Variants in LRIG1 observed in about 807,000 individuals in gnomAD.
LRIG1 encodes the protein leucine-rich repeats and immunoglobulin-like domains protein 1.
Under a neutral mutation model 99.2 loss-of-function variants are expected in LRIG1, and 48 were observed. That is an observed-to-expected ratio of 0.48 (90% CI 0.38 to 0.62). The LOEUF is 0.62. Ranked by LOEUF, LRIG1 falls within the 20% of genes least tolerant of loss-of-function variation. LRIG1 has a pLI of 0.00. For synonymous variants in LRIG1, 772 were observed against 596.1 expected (o/e 1.29, Z -4.30); for missense variants, 1,646 against 1,434.4 (o/e 1.15, Z -2.38).
intron 3 of LRIG1, 78 bp from the exon 4 acceptor site, chr3:66,417,344 AC>A (rs1242521811): frequency 1.6e-5 from 23 of 1,407,674 alleles, no homozygotes; most frequent in Admixed American, 1.8e-5. Context: ...CCTGCACCCC[AC>A]CCCCCACCAA....
chr3:66,386,494 G>A lies in LRIG1; in HGVS notation c.1469-193C>T, dbSNP rs1701383356. 24 of 592,010 alleles carry A rather than the reference G, an allele frequency of 4.1e-5. No homozygotes were observed. In the East Asian group the frequency reaches 6.2e-4, roughly 15 times the overall value. 36.7% of individuals were successfully genotyped at this position (592,010 alleles called of 1,614,324 possible). ...GACATCTGACCTCATCTAATTAGAA[G>A]TCTGTGAGTACTGATCACCTTTATG... On this transcript the variant is annotated intron_variant, in intron 12 of 18. Coordinates refer to ENST00000273261, the MANE Select transcript of LRIG1 (RefSeq NM_015541.3).
intron 11 of LRIG1, among the ~76,000 whole-genome samples, chr3:66,395,527 T>C (rs1042205867): frequency 5.3e-5 from 8 of 152,224 alleles, no homozygotes; most frequent in African/African-American, 1.4e-4. Flanking sequence ...GGAAAGTGCT[T>C]TTCCAAAAAC....
chr3:66,459,014 CAA>C (rs11437217), intron 2 of LRIG1, among the ~76,000 whole-genome samples: 4 of 121,900 alleles, frequency 3.3e-5, no homozygotes. Context: ...AACTCCATCT[CAA>C]AAAAAAAAAA....
At position 66,482,342 on chromosome 3, in the gene LRIG1, A is replaced by G. The variant is rs75983524; in HGVS notation, c.218+17848T>C. Among the ~76,000 whole-genome samples the G allele has an allele frequency of 3.3e-4, 51 of 152,374 alleles. No homozygotes were observed. In the East Asian group the frequency reaches 9.4e-3, roughly 28 times the overall value. On this transcript the variant is annotated intron_variant, in intron 1 of 18. Coordinates refer to ENST00000273261, the MANE Select transcript of LRIG1 (RefSeq NM_015541.3). ...TGTACTGTGCTCAAGCCCAAAGACC[A>G]CAGTGGAGGACAGCAGATGATGTAC... is the stretch of plus-strand genomic sequence containing the variant.
intron 1 of LRIG1, among the ~76,000 whole-genome samples, chr3:66,472,735 C>A (rs923614085): frequency 2.6e-5 from 4 of 152,064 alleles, no homozygotes; most frequent in Admixed American, 6.5e-5. Flanking sequence ...AAGAATGAAA[C>A]CTCCAATAAT....
At chr3:66,488,469 A>AC (rs1456955758) in intron 1 of LRIG1, among the ~76,000 whole-genome samples, 50 of 144,672 alleles carry the variant, frequency 3.5e-4, no homozygotes, top group East Asian at 2.0e-3. Flanking sequence ...TCTACTAAAA[A>AC]AAAACAAAAA....
At chr3:66,394,403 T>C (rs1701761273) in intron 11 of LRIG1, among the ~76,000 whole-genome samples, 200 bp from the exon 12 acceptor site, 1 of 152,134 alleles carries the variant, frequency 6.6e-6, no homozygotes, top group African/African-American at 2.4e-5. Flanking sequence ...TTTGAAAAAA[T>C]GCAGTTGCTG....
chr3:66,484,728 A>C (rs1488905542), intron 1 of LRIG1, among the ~76,000 whole-genome samples: 1 of 152,206 alleles, frequency 6.6e-6, no homozygotes, highest in Non-Finnish European at 1.5e-5. Flanking sequence ...ATGTGCTCCA[A>C]TTTGCAACTC....
intron 5 of LRIG1, among the ~76,000 whole-genome samples, chr3:66,413,919 A>T (rs1437730128): frequency 6.6e-6 from 1 of 152,118 alleles, no homozygotes; most frequent in African/African-American, 2.4e-5. Flanking sequence ...AAAATTTCCA[A>T]TACTGTCTTA....
intron 1 of LRIG1, among the ~76,000 whole-genome samples, chr3:66,472,303 CAAAAAAAAAAAAAAAAA>C (rs71105995): frequency 6.3e-5 from 4 of 63,842 alleles, no homozygotes; most frequent in African/African-American, 2.1e-4. Context: ...GACTCTGTCT[CAAAAAAAAAAAAAAAAA>C]AAAAAAAAAA....
chr3:66,381,107 C>G (rs1161693859), intron 17 of LRIG1, among the ~76,000 whole-genome samples: 1 of 152,304 alleles, frequency 6.6e-6, no homozygotes. Flanking sequence ...CTTACTGCTT[C>G]ACGGGGGAAA....
At chr3:66,443,494 T>C (rs555867986) in intron 3 of LRIG1, among the ~76,000 whole-genome samples, 1 of 152,272 alleles carries the variant, frequency 6.6e-6, no homozygotes, top group Non-Finnish European at 1.5e-5. Context: ...CACCTGTAAC[T>C]TACACCTCTG....
intron 2 of LRIG1, among the ~76,000 whole-genome samples, chr3:66,459,372 A>G (rs1262890882): frequency 6.6e-6 from 1 of 152,220 alleles, no homozygotes; most frequent in Non-Finnish European, 1.5e-5. Context: ...CCTGATAGAT[A>G]GGGGTCAGTG....
intron 2 of LRIG1, among the ~76,000 whole-genome samples, chr3:66,454,996 G>A (rs1263525453): frequency 2.6e-5 from 4 of 152,216 alleles, no homozygotes; most frequent in Non-Finnish European, 4.4e-5. Context: ...CCAGGCTGGA[G>A]TACATTGGCA....
chr3:66,430,341 C>T (rs558662165), intron 3 of LRIG1, among the ~76,000 whole-genome samples: 9 of 152,296 alleles, frequency 5.9e-5, no homozygotes, highest in African/African-American at 1.9e-4. Flanking sequence ...GATGGATTTT[C>T]GATTTTCAAA....
intron 2 of LRIG1, among the ~76,000 whole-genome samples, chr3:66,458,946 G>A (rs1700292272): frequency 6.6e-6 from 1 of 151,752 alleles, no homozygotes. Context: ...GAACCGAAGA[G>A]GCGGAGGTTG....
rs1020008496 is a variant in LRIG1, at chr3:66,404,387, G to C, written c.1160+811C>G. 15 of 1,261,214 alleles carry C rather than the reference G, an allele frequency of 1.2e-5. No individual in the cohort carries two copies. In the South Asian group the frequency reaches 1.6e-4, roughly 13 times the overall value. 78.1% of individuals were successfully genotyped at this position (1,261,214 alleles called of 1,614,324 possible). ...CTTGCCCTCCTCCAGTCTTCCCTCC[G>C]AGCTGCTAGTAAACAGTAATAATGA... On this transcript the variant is annotated intron_variant, in intron 9 of 18. Transcript: ENST00000273261.
At chr3:66,462,339 A>T in intron 2 of LRIG1, 99 bp downstream of exon 2, 1 of 821,512 alleles carries the variant, frequency 1.2e-6, no homozygotes, top group Non-Finnish European at 2.1e-6. Context: ...ACAAGTTTAC[A>T]CTGCGGATCT....
Position 66,379,683 on chromosome 3 carries a change from G to A in LRIG1, c.*580C>T, listed in dbSNP as rs1477323967. The A allele has an allele frequency of 6.6e-6, 1 of 152,280 alleles. No individual in the cohort carries two copies. The highest frequency in any genetic ancestry group is 2.4e-5 in the African/African-American group (1 of 41,462). 9.4% of individuals were successfully genotyped at this position (152,280 alleles called of 1,614,324 possible). ...TGGCACTTGCACCCCTGGCTCTACA[G>A]ACAGGGAAGCCTGTTGCAGGGGCAT... On this transcript the variant is annotated 3_prime_UTR_variant, in exon 19 of 19. Transcript: ENST00000273261.
Sources: gnomAD v4.1 joint callset for allele counts (sites outside exome capture counted in the v4.1 genomes callset) on GRCh38, gnomAD v4.1.1 for gene constraint, MANE v1.5 for transcripts, NCBI Gene and HGNC (gene_info 2026-07-23, HGNC 2026-07-21) for gene names.